KIAA1217: variants seen among roughly 807,000 people sequenced by gnomAD.
KIAA1217 encodes KIAA1217, also known as sickle tail protein homolog.
Under a neutral mutation model 163.9 loss-of-function variants are expected in KIAA1217, and 88 were observed. The observed-to-expected ratio is 0.54, with a 90% CI of 0.45 to 0.64. KIAA1217 has a LOEUF of 0.64. Among genes scored for constraint, KIAA1217 ranks in the 30% least tolerant of loss-of-function variants. KIAA1217 has a pLI of 0.00. For synonymous variants in KIAA1217, 903 were observed against 923.1 expected (o/e 0.98, Z 0.39); for missense variants, 2,372 against 2,475.0 (o/e 0.96, Z 0.88).
At chr10:24,458,604 A>G (rs1038278826) in intron 5 of KIAA1217, among the ~76,000 whole-genome samples, 2 of 152,210 alleles carry the variant, frequency 1.3e-5, no homozygotes, top group Non-Finnish European at 2.9e-5. Flanking sequence ...TGGCCCTGTT[A>G]TCTGACTTCA....
At chr10:24,322,744 A>C (rs541541330) in intron 2 of KIAA1217, among the ~76,000 whole-genome samples, 1 of 152,142 alleles carries the variant, frequency 6.6e-6, no homozygotes, top group Admixed American at 6.5e-5. Flanking sequence ...CTCACCTTGC[A>C]GGGCTGCTCA....
intron 1 of KIAA1217, among the ~76,000 whole-genome samples, chr10:23,867,728 G>C (rs1013414470): frequency 2.2e-4 from 34 of 152,024 alleles, no homozygotes; most frequent in Non-Finnish European, 4.3e-4. Flanking sequence ...ATTTGTTTGA[G>C]TTCATTGTAG....
chr10:24,177,066 C>T (rs1388663578), intron 2 of KIAA1217, among the ~76,000 whole-genome samples: 6 of 151,428 alleles, frequency 4.0e-5, no homozygotes, highest in Admixed American at 1.3e-4. Context: ...CCCCGATTCC[C>T]GCCCGTGCCT....
intron 1 of KIAA1217, among the ~76,000 whole-genome samples, chr10:23,998,358 C>T (rs1846593434): frequency 6.6e-6 from 1 of 152,132 alleles, no homozygotes; most frequent in East Asian, 1.9e-4. Context: ...TGGTCTGCAT[C>T]CAAATCTTCA....
chr10:23,982,422 C>T (rs10764439), intron 1 of KIAA1217, among the ~76,000 whole-genome samples: 39,924 of 152,048 alleles, frequency 0.26, 5,266 homozygotes, highest in Admixed American at 0.32. Flanking sequence ...TCAGAAGTTA[C>T]AGTCTCAAGA....
chr10:24,172,439 C>T (rs2065675892), intron 2 of KIAA1217, among the ~76,000 whole-genome samples: 1 of 152,206 alleles, frequency 6.6e-6, no homozygotes, highest in Non-Finnish European at 1.5e-5. Flanking sequence ...AGCACAAAAA[C>T]CAGAGCCAAA....
intron 1 of KIAA1217, among the ~76,000 whole-genome samples, chr10:23,704,895 C>CAGCT (rs1379547891): frequency 2.0e-5 from 3 of 152,140 alleles, no homozygotes; most frequent in African/African-American, 7.2e-5. Flanking sequence ...GTTTCCAGAG[C>CAGCT]AGCTGCATCA....
intron 1 of KIAA1217, among the ~76,000 whole-genome samples, chr10:23,808,463 G>A (rs529105992): frequency 2.4e-4 from 36 of 152,228 alleles, no homozygotes; most frequent in Non-Finnish European, 2.1e-4. Context: ...TTTTATAAGC[G>A]TATTTTTCAA....
intron 2 of KIAA1217, among the ~76,000 whole-genome samples, chr10:24,339,923 G>C (rs2046857076): frequency 6.6e-6 from 1 of 152,106 alleles, no homozygotes; most frequent in African/African-American, 2.4e-5. Flanking sequence ...ACTCTTCCTT[G>C]CTTGTCAGAA....
chr10:24,217,031 CAAAA>C (rs60303909), intron 1 of KIAA1217, among the ~76,000 whole-genome samples: 6 of 21,322 alleles, frequency 2.8e-4, no homozygotes, highest in Non-Finnish European at 4.5e-4. Context: ...GACCTTGTCT[CAAAA>C]AAAAAAAAAA....
intron 5 of KIAA1217, among the ~76,000 whole-genome samples, chr10:24,454,175 A>C (rs1020721985): frequency 2.0e-5 from 3 of 152,244 alleles, no homozygotes; most frequent in African/African-American, 7.2e-5. Flanking sequence ...TTTGGCAGAA[A>C]AGACAAACTA....
intron 2 of KIAA1217, among the ~76,000 whole-genome samples, chr10:24,332,776 G>A: frequency 6.6e-6 from 1 of 152,042 alleles, no homozygotes; most frequent in Non-Finnish European, 1.5e-5. Context: ...TGGGTAAAGA[G>A]GGTCATATTA....
chr10:24,245,142 C>A (rs2073634081), intron 2 of KIAA1217, among the ~76,000 whole-genome samples: 1 of 152,148 alleles, frequency 6.6e-6, no homozygotes. Flanking sequence ...TAACTTCGCA[C>A]CCCCTATTTG....
chr10:24,376,729 T>C (rs2052546639), intron 2 of KIAA1217, among the ~76,000 whole-genome samples: 1 of 152,050 alleles, frequency 6.6e-6, no homozygotes, highest in Non-Finnish European at 1.5e-5. Flanking sequence ...ACCACTGCAC[T>C]CCAGCCTGGG....
At chr10:23,775,885 T>C (rs1248170757) in intron 1 of KIAA1217, among the ~76,000 whole-genome samples, 2 of 152,202 alleles carry the variant, frequency 1.3e-5, no homozygotes, top group African/African-American at 2.4e-5. Context: ...TTCTATTTTA[T>C]ACATTCTTAA....
intron 2 of KIAA1217, among the ~76,000 whole-genome samples, chr10:24,097,611 A>G (rs766644279): frequency 3.3e-5 from 5 of 152,198 alleles, no homozygotes; most frequent in Non-Finnish European, 5.9e-5. Context: ...AATTTTTTAA[A>G]TAGTAAGAAA....
At chr10:24,282,571 G>C (rs1371919200) in intron 2 of KIAA1217, among the ~76,000 whole-genome samples, 1 of 152,082 alleles carries the variant, frequency 6.6e-6, no homozygotes, top group African/African-American at 2.4e-5. Flanking sequence ...CTTGATTGTT[G>C]CTGACATTCA....
chr10:24,011,246 G>A (rs537491627), intron 2 of KIAA1217, among the ~76,000 whole-genome samples: 1 of 152,266 alleles, frequency 6.6e-6, no homozygotes, highest in East Asian at 1.9e-4. Context: ...AACATTTTGG[G>A]AGGCTGAGGC....
intron 2 of KIAA1217, among the ~76,000 whole-genome samples, chr10:24,231,224 A>T (rs1374673920): frequency 6.6e-6 from 1 of 152,022 alleles, no homozygotes. Context: ...AGCTGGGGGG[A>T]TCATCCATGC....
Sources: allele counts gnomAD v4.1 joint callset (sites outside exome capture counted in the v4.1 genomes callset), GRCh38; gene constraint gnomAD v4.1.1; transcripts MANE v1.5; gene names NCBI Gene and HGNC (gene_info 2026-07-23, HGNC 2026-07-21).